ZFP2: variants seen among roughly 807,000 people sequenced by gnomAD.
ZFP2 encodes ZFP2 zinc finger protein.
Under a neutral mutation model 36.1 loss-of-function variants are expected in ZFP2, and 33 were observed. That is an observed-to-expected ratio of 0.92 (90% CI 0.69 to 1.22). The LOEUF (loss-of-function observed/expected upper bound fraction) is 1.22, where lower values mean the gene tolerates loss of function less well. Ranked by LOEUF, ZFP2 falls within the 50% of genes most tolerant of loss-of-function variation. The probability of loss-of-function intolerance (pLI) is 0.00; values close to 1 mark genes in which losing one functional copy is unlikely to be tolerated. For synonymous variants in ZFP2, 170 were observed against 178.0 expected, an observed-to-expected ratio of 0.96 and a Z score of 0.36; for missense variants, 522 against 551.4, an observed-to-expected ratio of 0.95 and a Z score of 0.53.
intron 4 of ZFP2, among the ~76,000 whole-genome samples, chr5:178,920,935 T>G (rs1267001521): frequency 6.6e-6 from 1 of 152,236 alleles, no homozygotes; most frequent in African/African-American, 2.4e-5. Context: ...ACTCTATGTC[T>G]TCTTGAAATC....
intron 1 of ZFP2, among the ~76,000 whole-genome samples, chr5:178,901,296 A>G (rs1758053880): frequency 6.6e-6 from 1 of 152,226 alleles, no homozygotes; most frequent in Non-Finnish European, 1.5e-5. Flanking sequence ...GTCGCTCTAC[A>G]TGCTCTTCCA....
intron 4 of ZFP2, 22 bp downstream of exon 4, chr5:178,916,732 AC>A (rs1758439105): frequency 1.0e-6 from 1 of 985,296 alleles, no homozygotes; most frequent in Non-Finnish European, 1.2e-6. Context: ...TACTCCTCTT[AC>A]GGTGGAAGAC....
chr5:178,922,799 T>C (rs1387363502), intron 4 of ZFP2: 1 of 1,406,594 alleles, frequency 7.1e-7, no homozygotes, highest in East Asian at 2.5e-5. Flanking sequence ...AGCCAAGCAG[T>C]TCCATTTACA....
intron 1 of ZFP2, 31 bp from the exon 2 acceptor site, chr5:178,912,553 T>A: frequency 1.4e-6 from 1 of 695,880 alleles, no homozygotes; most frequent in Non-Finnish European, 1.8e-6. Flanking sequence ...GAGGGTTTGG[T>A]TGGCATAATC....
intron 4 of ZFP2, among the ~76,000 whole-genome samples, chr5:178,919,202 A>G (rs960914766): frequency 1.3e-5 from 2 of 152,178 alleles, no homozygotes; most frequent in African/African-American, 4.8e-5. Flanking sequence ...ATACCAGTTG[A>G]ATACTTCTGA....
intron 3 of ZFP2, among the ~76,000 whole-genome samples, chr5:178,915,302 G>C: frequency 6.9e-6 from 1 of 145,108 alleles, no homozygotes; most frequent in East Asian, 2.1e-4. Flanking sequence ...TACTGGGTTA[G>C]AACCTAAAGG....
At chr5:178,906,587 A>T (rs12653764) in intron 1 of ZFP2, among the ~76,000 whole-genome samples, 1 of 151,510 alleles carries the variant, frequency 6.6e-6, no homozygotes, top group Non-Finnish European at 1.5e-5. Context: ...ACAGAGTCTC[A>T]CTCTGTTGCC....
rs144738478 is a variant in ZFP2 at position 178,924,472 on chromosome 5, C to A, written c.-77-6765C>A. ...TCATTAACTCAAAAGTCCGAAGTTT[C>A]ATCTTAGTGTTATCGTAACCACTGT... On this transcript the variant is annotated intron_variant, in intron 4 of 4. Coordinates refer to ENST00000361362, the MANE Select transcript of ZFP2 (RefSeq NM_030613.4). Among the ~76,000 whole-genome samples, 3 of 148,724 alleles carry A rather than the reference C, an allele frequency of 2.0e-5. No individual in the cohort carries two copies. The East Asian group carries it at 5.8e-4, about 29-fold the overall frequency.
chr5:178,924,230 G>A (rs764572872), intron 4 of ZFP2, among the ~76,000 whole-genome samples: 5 of 148,212 alleles, frequency 3.4e-5, no homozygotes, highest in South Asian at 4.2e-4. Flanking sequence ...AAAATTAGCC[G>A]GGCATGGTGG....
intron 1 of ZFP2, chr5:178,909,575 G>T: frequency 1.3e-6 from 1 of 796,454 alleles, no homozygotes; most frequent in Non-Finnish European, 1.7e-6. Flanking sequence ...GCCTGGTGTT[G>T]AGTCTGATCA....
In ZFP2 at chr5:178,909,934, C is replaced by T. The variant is rs561535612; in HGVS notation, c.-449-2650C>T. ...ATGCCCTTGATCCTCAAGGGGTTCT[C>T]TGTTAGGAAGTTCAGCCATTGGTCC... On this transcript the variant is annotated intron_variant, in intron 1 of 4. Transcript: ENST00000361362. 1.7e-4 allele frequency: 241 copies of T among 1,455,296 alleles called. 2 individuals carry two copies. The East Asian group carries it at 3.5e-3, about 21-fold the overall frequency. The allele number at this position is 1,455,296 out of a possible 1,614,324, so 90.1% of individuals were successfully genotyped here.
chr5:178,902,541 C>T (rs996545678), intron 1 of ZFP2, among the ~76,000 whole-genome samples: 2 of 152,178 alleles, frequency 1.3e-5, no homozygotes, highest in Non-Finnish European at 2.9e-5. Context: ...TTGAAGAGTA[C>T]AGGCCAATTA....
At chr5:178,913,245 G>T (rs887709987) in intron 3 of ZFP2, among the ~76,000 whole-genome samples, 174 bp downstream of exon 3, 2 of 152,212 alleles carry the variant, frequency 1.3e-5, no homozygotes, top group Non-Finnish European at 2.9e-5. Flanking sequence ...ATCTTGCAGG[G>T]AGGTGGTGGA....
intron 1 of ZFP2, among the ~76,000 whole-genome samples, 169 bp downstream of exon 1, chr5:178,896,143 C>A (rs533258407): frequency 6.6e-6 from 1 of 152,188 alleles, no homozygotes; most frequent in Non-Finnish European, 1.5e-5. Flanking sequence ...GAGCGCCGGG[C>A]CTCCGGCTCC....
chr5:178,931,821 A>C lies in ZFP2; in HGVS notation c.508A>C (p.Ser170Arg). Residue 170 changes from serine (S) to arginine (R), a missense_variant, in exon 5 of 5, where the codon AGC (serine) becomes CGC (arginine). Coordinates refer to ENST00000361362, the MANE Select transcript of ZFP2 (RefSeq NM_030613.4). The stretch of plus-strand genomic sequence containing the variant: ...TGAATGTGGGAAAGCCTTTAGTCAG[A>C]GCATGAATCTTACTGTCCATCAACG... The part of the protein sequence containing the change: ...CNECGKAFSQ[S>R]MNLTVHQRTH... The C allele has an allele frequency of 6.2e-7, 1 of 1,612,718 alleles. No individual in the cohort carries two copies. Among genetic ancestry groups the C allele is most frequent in the Non-Finnish European group, 8.5e-7 (1 of 1,178,824 alleles).
intron 1 of ZFP2, among the ~76,000 whole-genome samples, chr5:178,904,291 A>G (rs2113058076): frequency 6.6e-6 from 1 of 152,186 alleles, no homozygotes; most frequent in South Asian, 2.1e-4. Flanking sequence ...CTGAGCTCTT[A>G]TTTTCCACAG....
chr5:178,899,173 C>A (rs576113080), intron 1 of ZFP2, among the ~76,000 whole-genome samples: 47 of 152,072 alleles, frequency 3.1e-4, no homozygotes, highest in Non-Finnish European at 5.3e-4. Flanking sequence ...AGTTTAAATC[C>A]CAGCTCTACC....
At position 178,909,867 on chromosome 5, in the gene ZFP2, A is replaced by C. The variant is rs1435128051; in HGVS notation, c.-449-2717A>C. 8.9e-6 allele frequency: 14 copies of C among 1,580,042 alleles called. No homozygotes were observed. In the East Asian group the frequency reaches 2.9e-4, roughly 33 times the overall value. ...GTGGTTGCTGAGGTCAGGGCCAATCACCTGAGTGAAGTTAAGGAACATGTT... is the reference window on the plus strand; with the variant it reads ...GTGGTTGCTGAGGTCAGGGCCAATCCCCTGAGTGAAGTTAAGGAACATGTT... On this transcript the variant is annotated intron_variant, in intron 1 of 4. Coordinates refer to ENST00000361362, the MANE Select transcript of ZFP2 (RefSeq NM_030613.4).
At position 178,908,581 on chromosome 5, in the gene ZFP2, C is replaced by T. The variant is rs1758220155; in HGVS notation, c.-449-4003C>T. On this transcript the variant is annotated intron_variant, in intron 1 of 4. Coordinates refer to ENST00000361362, the MANE Select transcript of ZFP2 (RefSeq NM_030613.4). ...TTTTATAATGTGAATTCACCCTAAC[C>T]ATCCCATCCCCCCCTCCCTGCTCTA... Among the ~76,000 whole-genome samples, 6 of 148,924 alleles carry T rather than the reference C, an allele frequency of 4.0e-5. No individual in the cohort carries two copies. The South Asian group carries it at 1.3e-3, about 32-fold the overall frequency.
Sources: gnomAD v4.1 joint callset for allele counts (sites outside exome capture counted in the v4.1 genomes callset) on GRCh38, gnomAD v4.1.1 for gene constraint, MANE v1.5 for transcripts, NCBI Gene and HGNC (gene_info 2026-07-23, HGNC 2026-07-21) for gene names.